SUSD3: variants seen among roughly 807,000 people sequenced by gnomAD.
The protein encoded by SUSD3 is sushi domain-containing protein 3.
Under a neutral mutation model 20.6 loss-of-function variants are expected in SUSD3, and 18 were observed. The ratio of observed to expected loss-of-function variants is 0.87; its 90% CI spans 0.60 to 1.30. The LOEUF (loss-of-function observed/expected upper bound fraction) is 1.30. Among genes scored for constraint, SUSD3 ranks in the 50% most tolerant of loss-of-function variants. SUSD3 has a pLI of 0.00. For missense variants in SUSD3, 306 were observed against 346.9 expected (o/e 0.88, Z 0.94); for synonymous variants, 137 against 141.5 (o/e 0.97, Z 0.23).
At chr9:93,079,683 A>AGCGTGTGGGAG in intron 4 of SUSD3, 81 bp downstream of exon 4, 1 of 1,497,408 alleles carries the variant, frequency 6.7e-7, no homozygotes, top group Non-Finnish European at 9.1e-7. Context: ...TGCTGCTCCC[A>AGCGTGTGGGAG]CACGCTGAGA....
chr9:93,059,751 G>T (rs1162889871), intron 1 of SUSD3, among the ~76,000 whole-genome samples: 1 of 152,214 alleles, frequency 6.6e-6, no homozygotes. Context: ...CAGGGAACTG[G>T]CAGGAAGGTG....
chr9:93,069,153 G>A, intron 1 of SUSD3: 3 of 702,744 alleles, frequency 4.3e-6, no homozygotes, highest in South Asian at 1.5e-5. Flanking sequence ...TAATTTGTAA[G>A]TTTTACACTG....
At chr9:93,069,772 T>G (rs1825843939) in intron 1 of SUSD3, among the ~76,000 whole-genome samples, 1 of 152,052 alleles carries the variant, frequency 6.6e-6, no homozygotes, top group Non-Finnish European at 1.5e-5. Flanking sequence ...TTGTTTTACT[T>G]CTTCCTTTTT....
chr9:93,082,045 T>C (rs542454595), intron 4 of SUSD3, among the ~76,000 whole-genome samples: 11 of 152,360 alleles, frequency 7.2e-5, no homozygotes, highest in Middle Eastern at 3.4e-3. Flanking sequence ...CATATTTTTC[T>C]GGTAACTGCA....
chr9:93,075,735 T>TGGGGGGGGG, intron 1 of SUSD3, 49 bp from the exon 2 acceptor site: 5 of 247,428 alleles, frequency 2.0e-5, no homozygotes, highest in East Asian at 2.2e-4. Flanking sequence ...CTGCCCTGCG[T>TGGGGGGGGG]GCCCACCCCC....
chr9:93,065,302 C>T (rs1336752912), intron 1 of SUSD3, among the ~76,000 whole-genome samples: 2 of 152,228 alleles, frequency 1.3e-5, no homozygotes, highest in Non-Finnish European at 1.5e-5. Context: ...GTCCACCCCT[C>T]CAGGCATCTC....
intron 1 of SUSD3, among the ~76,000 whole-genome samples, chr9:93,068,189 G>C (rs989910399): frequency 6.6e-6 from 1 of 152,108 alleles, no homozygotes; most frequent in Non-Finnish European, 1.5e-5. Flanking sequence ...GTCCTTTAAA[G>C]CACAAACATT....
intron 3 of SUSD3, among the ~76,000 whole-genome samples, chr9:93,078,607 G>T (rs1251862772): frequency 6.6e-6 from 1 of 152,128 alleles, no homozygotes; most frequent in Non-Finnish European, 1.5e-5. Flanking sequence ...GTACTCTGCT[G>T]TGTTAACGGC....
chr9:93,080,185 G>A (rs1826351126), intron 4 of SUSD3, among the ~76,000 whole-genome samples: 2 of 152,104 alleles, frequency 1.3e-5, no homozygotes, highest in South Asian at 4.2e-4. Context: ...TGGGTGTGGC[G>A]GAGTGTGCCT....
chr9:93,077,799 A>C, intron 2 of SUSD3, 47 bp from the exon 3 acceptor site: 2 of 1,611,182 alleles, frequency 1.2e-6, no homozygotes, highest in Non-Finnish European at 1.7e-6. Context: ...GGGCCAAGCA[A>C]ATCTGGGCAA....
chr9:93,071,781 T>C lies in SUSD3; in HGVS notation c.89-4003T>C, dbSNP rs76310530. Among the ~76,000 whole-genome samples, 619 of 152,214 alleles carry C rather than the reference T, an allele frequency of 4.1e-3. 4 individuals carry two copies. The highest frequency in any genetic ancestry group is 0.013 in the African/African-American group (519 of 41,516). ...TGGAGGGCAGGTTGGGAAATGTAGT[T>C]TTCAGTGGTGATCACATTTCCAGCT... is the stretch of plus-strand genomic sequence containing the variant. On this transcript the variant is annotated intron_variant, in intron 1 of 4. Transcript: ENST00000375472.
At chr9:93,079,363 C>G in intron 3 of SUSD3, 108 bp from the exon 4 acceptor site, 1 of 1,274,438 alleles carries the variant, frequency 7.8e-7, no homozygotes, top group Non-Finnish European at 1.1e-6. Flanking sequence ...GTTTGCCAGC[C>G]TGCACTGGTC....
At chr9:93,063,358 C>G (rs1206669584) in intron 1 of SUSD3, among the ~76,000 whole-genome samples, 1 of 152,210 alleles carries the variant, frequency 6.6e-6, no homozygotes, top group East Asian at 1.9e-4. Context: ...CTGCTCTTCC[C>G]AGACCCCAGG....
chr9:93,078,740 G>A (rs1826278152), intron 3 of SUSD3, among the ~76,000 whole-genome samples: 1 of 151,982 alleles, frequency 6.6e-6, no homozygotes, highest in African/African-American at 2.4e-5. Context: ...TTTCCCCATG[G>A]TAATTTATTA....
At chr9:93,059,165 C>A (rs902444648) in intron 1 of SUSD3, among the ~76,000 whole-genome samples, 2 of 151,940 alleles carry the variant, frequency 1.3e-5, no homozygotes, top group Non-Finnish European at 2.9e-5. Flanking sequence ...CCGCGCCCCT[C>A]CCGGGGAAGT....
intron 1 of SUSD3, among the ~76,000 whole-genome samples, chr9:93,062,274 G>A (rs891734030): frequency 6.6e-6 from 1 of 152,240 alleles, no homozygotes; most frequent in Non-Finnish European, 1.5e-5. Flanking sequence ...CCTGAGCCGT[G>A]GGAGGGCCAG....
intron 1 of SUSD3, among the ~76,000 whole-genome samples, chr9:93,070,842 C>T (rs1211162785): frequency 1.3e-5 from 2 of 152,204 alleles, no homozygotes; most frequent in Non-Finnish European, 2.9e-5. Context: ...GCTGCTGAAG[C>T]GCTCAGCACA....
chr9:93,072,088 C>T (rs1233219923), intron 1 of SUSD3, among the ~76,000 whole-genome samples: 1 of 152,084 alleles, frequency 6.6e-6, no homozygotes, highest in Non-Finnish European at 1.5e-5. Flanking sequence ...TGCAGTACAG[C>T]ACCCATTAGG....
chr9:93,081,762 C>G (rs1286980447), intron 4 of SUSD3, among the ~76,000 whole-genome samples: 1 of 152,214 alleles, frequency 6.6e-6, no homozygotes, highest in Admixed American at 6.5e-5. Flanking sequence ...TACTTCTGCA[C>G]TTAGCAACAC....
Sources: gnomAD v4.1 joint callset for allele counts (sites outside exome capture counted in the v4.1 genomes callset) on GRCh38, gnomAD v4.1.1 for gene constraint, MANE v1.5 for transcripts, NCBI Gene and HGNC (gene_info 2026-07-23, HGNC 2026-07-21) for gene names.